Variants in PAX7 observed in about 807,000 individuals in gnomAD.
PAX7 encodes paired box 7, also known as paired box protein Pax-7.
A neutral mutation model predicts 50.7 loss-of-function variants in PAX7; 18 were observed. The ratio of observed to expected loss-of-function variants is 0.36; its 90% CI spans 0.25 to 0.53. The LOEUF (loss-of-function observed/expected upper bound fraction) is 0.53. PAX7 is among the 20% of genes least tolerant of loss of function. The pLI is 0.93. For missense variants in PAX7, 644 were observed against 702.9 expected, an observed-to-expected ratio of 0.92 and a Z score of 0.95; for synonymous variants, 310 against 290.4, an observed-to-expected ratio of 1.07 and a Z score of -0.69.
Position 18,747,706 on chromosome 1 carries a change from G to T in PAX7, c.*2777G>T, listed in dbSNP as rs192068581. 1 of 203,572 alleles carries T rather than the reference G, an allele frequency of 4.9e-6. No homozygotes were observed. The allele number at this position is 203,572 out of a possible 1,614,324, so 12.6% of individuals were successfully genotyped here. A position where few individuals can be genotyped will look rare whatever the true frequency, so the allele number is the denominator to read the frequency against. On this transcript the variant is annotated 3_prime_UTR_variant, in exon 9 of 9. Transcript: ENST00000420770. ...TTCCTCCAACTTATCACAAGTCGCC[G>T]TTGGTCCTCTCTAAGGAGGGCTCTC...
chr1:18,683,760 A>T (rs2088932737), intron 4 of PAX7, among the ~76,000 whole-genome samples: 1 of 152,188 alleles, frequency 6.6e-6, no homozygotes, highest in Admixed American at 6.5e-5. Flanking sequence ...GAATCACTTG[A>T]GCCTGGGAGG....
chr1:18,703,556 C>A (rs985795884), intron 7 of PAX7, among the ~76,000 whole-genome samples: 4 of 152,184 alleles, frequency 2.6e-5, no homozygotes, highest in Non-Finnish European at 4.4e-5. Flanking sequence ...GGTAACTCTA[C>A]CCTGATTGGT....
intron 5 of PAX7, among the ~76,000 whole-genome samples, chr1:18,699,653 C>T (rs1278826599): frequency 4.0e-5 from 6 of 151,824 alleles, no homozygotes; most frequent in Non-Finnish European, 5.9e-5. Flanking sequence ...CTCTGCCTCC[C>T]GGGTTCACGC....
intron 8 of PAX7, among the ~76,000 whole-genome samples, chr1:18,736,789 T>C (rs1377032932): frequency 6.6e-6 from 1 of 152,180 alleles, no homozygotes; most frequent in Non-Finnish European, 1.5e-5. Flanking sequence ...AATAACCCAA[T>C]TGAAGATTGG....
At chr1:18,687,097 C>G (rs1235840954) in intron 4 of PAX7, among the ~76,000 whole-genome samples, 1 of 151,512 alleles carries the variant, frequency 6.6e-6, no homozygotes, top group Non-Finnish European at 1.5e-5. Context: ...CACCATGTTG[C>G]CCAGGGTGGT....
At chr1:18,642,451 G>T (rs528700614) in intron 4 of PAX7, among the ~76,000 whole-genome samples, 1 of 152,318 alleles carries the variant, frequency 6.6e-6, no homozygotes, top group Admixed American at 6.5e-5. Context: ...GTTCTCTAGA[G>T]GCTCTGGGGC....
intron 4 of PAX7, among the ~76,000 whole-genome samples, chr1:18,647,298 G>T (rs2088360870): frequency 6.6e-6 from 1 of 152,282 alleles, no homozygotes; most frequent in East Asian, 1.9e-4. Context: ...AGTTGCAGCC[G>T]TTGGACAGTC....
At chr1:18,716,071 C>T (rs1041490892) in intron 7 of PAX7, among the ~76,000 whole-genome samples, 3 of 152,162 alleles carry the variant, frequency 2.0e-5, no homozygotes, top group Admixed American at 6.5e-5. Context: ...GCCCTTCTCT[C>T]TCCTGGCCCT....
intron 4 of PAX7, among the ~76,000 whole-genome samples, chr1:18,659,816 CT>C (rs1466675068): frequency 6.6e-6 from 1 of 152,180 alleles, no homozygotes; most frequent in African/African-American, 2.4e-5. Context: ...ACCCTACCCC[CT>C]GGCGTGTAAG....
At chr1:18,725,553 AG>A (rs1043609712) in intron 7 of PAX7, among the ~76,000 whole-genome samples, 7 of 152,268 alleles carry the variant, frequency 4.6e-5, no homozygotes, top group African/African-American at 1.7e-4. Flanking sequence ...CAGGGAAGGG[AG>A]GGGGAGGAGA....
intron 8 of PAX7, among the ~76,000 whole-genome samples, chr1:18,737,237 C>G (rs575572398): frequency 1.3e-5 from 2 of 152,262 alleles, no homozygotes; most frequent in Non-Finnish European, 2.9e-5. Flanking sequence ...ATCAGAAGGG[C>G]GTGTGGCAAG....
chr1:18,692,093 C>A, intron 5 of PAX7, 140 bp downstream of exon 5: 1 of 701,046 alleles, frequency 1.4e-6, no homozygotes, highest in African/African-American at 1.8e-5. Flanking sequence ...CAAGTAATGC[C>A]ACCAGCATTT....
chr1:18,643,683 G>T (rs2088294005), intron 4 of PAX7, among the ~76,000 whole-genome samples: 2 of 152,228 alleles, frequency 1.3e-5, no homozygotes, highest in Admixed American at 6.5e-5. Context: ...GGCGAGCCGC[G>T]GCCGCCCTTT....
rs1001476447 is a variant in PAX7 at position 18,631,176 on chromosome 1, G to A, written c.-428G>A. The A allele has an allele frequency of 4.2e-6, 1 of 237,728 alleles. No individual in the cohort carries two copies. 14.7% of individuals were successfully genotyped at this position (237,728 alleles called of 1,614,324 possible). On this transcript the variant is annotated 5_prime_UTR_variant, in exon 1 of 9. Coordinates refer to ENST00000420770, the MANE Select transcript of PAX7 (RefSeq NM_001135254.2). ...CCCGAGCGCCAGAGCGCCAGAGCGCGAGAGCGCGGCGCTCGCCACTCTGAG... is the reference window on the plus strand; with the variant it reads ...CCCGAGCGCCAGAGCGCCAGAGCGCAAGAGCGCGGCGCTCGCCACTCTGAG...
At chr1:18,648,580 C>T (rs74652077) in intron 4 of PAX7, among the ~76,000 whole-genome samples, 3,288 of 152,122 alleles carry the variant, frequency 0.022, 116 homozygotes, top group African/African-American at 0.074. Flanking sequence ...TGGACTCAAG[C>T]GATCCTCCCA....
intron 4 of PAX7, among the ~76,000 whole-genome samples, chr1:18,678,086 AAAAAAAAAAAG>A (rs958040415): frequency 1.3e-5 from 2 of 150,592 alleles, no homozygotes; most frequent in South Asian, 2.1e-4. Context: ...CGTCTGAAAA[AAAAAAAAAAAG>A]AAAAAGAAAA....
chr1:18,678,406 A>T (rs956833935), intron 4 of PAX7, among the ~76,000 whole-genome samples: 3 of 136,978 alleles, frequency 2.2e-5, no homozygotes, highest in East Asian at 2.0e-4. Context: ...TCTCAAAAAT[A>T]AAAAAAAAAG....
In PAX7 at chr1:18,703,272, G is replaced by C. The variant is rs547689786; in HGVS notation, c.1131G>C (p.Pro377=). Reference sequence around the variant, plus strand: ...CGGCGCCCTCCAACCACATGAACCCGGTCAGCAACGGCCTGTCTCCTCAGG... The same window carrying C: ...CGGCGCCCTCCAACCACATGAACCCCGTCAGCAACGGCCTGTCTCCTCAGG... ...NPAAPSNHMN[P]VSNGLSPQVM... is the part of the protein sequence containing the mutation. The change falls in exon 7 of 9, where the codon CCG becomes CCC. Residue 377 remains proline, a synonymous_variant. Transcript: ENST00000420770. 12 of 1,614,118 alleles carry C rather than the reference G, an allele frequency of 7.4e-6. No homozygotes were observed. In the South Asian group the frequency reaches 9.9e-5, roughly 13 times the overall value.
intron 7 of PAX7, among the ~76,000 whole-genome samples, chr1:18,724,289 C>G (rs376833258): frequency 1.2e-4 from 18 of 152,356 alleles, no homozygotes; most frequent in South Asian, 1.0e-3. Context: ...CACTGGGGCA[C>G]AGGCCAGTGG....
Sources: allele counts gnomAD v4.1 joint callset (sites outside exome capture counted in the v4.1 genomes callset), GRCh38; gene constraint gnomAD v4.1.1; transcripts MANE v1.5; gene names NCBI Gene and HGNC (gene_info 2026-07-23, HGNC 2026-07-21).